Variants in ZNF131 observed in about 807,000 individuals in gnomAD.
The protein encoded by ZNF131 is zinc finger and BTB domain containing 35.
Under a neutral mutation model 60.0 loss-of-function variants are expected in ZNF131, and 7 were observed. The ratio of observed to expected loss-of-function variants is 0.12; its 90% CI spans 0.07 to 0.22. The LOEUF (loss-of-function observed/expected upper bound fraction) is 0.22, where lower values mean the gene tolerates loss of function less well. ZNF131 is among the 10% of genes least tolerant of loss of function. The pLI, the probability that ZNF131 is intolerant of heterozygous loss-of-function variation, is 1.00. For synonymous variants in ZNF131, 257 were observed against 253.2 expected, an observed-to-expected ratio of 1.01 and a Z score of -0.14; for missense variants, 493 against 740.9, an observed-to-expected ratio of 0.67 and a Z score of 3.88.
intron 4 of ZNF131, chr5:43,143,449 T>G: frequency 7.2e-7 from 1 of 1,394,598 alleles, no homozygotes; most frequent in Non-Finnish European, 9.5e-7. Context: ...GTTTATCATC[T>G]TCAACTACAC....
intron 4 of ZNF131, among the ~76,000 whole-genome samples, chr5:43,158,371 C>A (rs1424451466): frequency 6.6e-6 from 1 of 152,206 alleles, no homozygotes; most frequent in Non-Finnish European, 1.5e-5. Context: ...TTCACCACAA[C>A]CTCCACCTCC....
intron 4 of ZNF131, among the ~76,000 whole-genome samples, chr5:43,149,175 G>C (rs10075491): frequency 0.011 from 1,731 of 152,210 alleles, 30 homozygotes; most frequent in African/African-American, 0.04. Context: ...GGAGGCTGAG[G>C]GGGGAGAATC....
At chr5:43,131,889 A>G (rs1246052602) in intron 3 of ZNF131, among the ~76,000 whole-genome samples, 1 of 152,082 alleles carries the variant, frequency 6.6e-6, no homozygotes, top group East Asian at 1.9e-4. Context: ...GTATCTTCAA[A>G]CTTTTCCAAG....
intron 4 of ZNF131, among the ~76,000 whole-genome samples, chr5:43,153,836 A>G (rs1385636510): frequency 6.6e-6 from 1 of 152,162 alleles, no homozygotes; most frequent in African/African-American, 2.4e-5. Flanking sequence ...GAGGTGAGGG[A>G]AGTAGAGTCA....
chr5:43,170,635 CTT>C (rs35855782), intron 5 of ZNF131, among the ~76,000 whole-genome samples: 8 of 141,422 alleles, frequency 5.7e-5, no homozygotes, highest in Admixed American at 7.1e-5. Flanking sequence ...TCTTTGTCCC[CTT>C]TTTTTTTTTT....
At chr5:43,154,191 T>G (rs1247726638) in intron 4 of ZNF131, among the ~76,000 whole-genome samples, 1 of 152,028 alleles carries the variant, frequency 6.6e-6, no homozygotes, top group Non-Finnish European at 1.5e-5. Flanking sequence ...GTGGGCAGAT[T>G]GTCTGAGGTC....
chr5:43,163,341 A>G (rs1749982961), intron 5 of ZNF131, among the ~76,000 whole-genome samples: 1 of 152,290 alleles, frequency 6.6e-6, no homozygotes, highest in Admixed American at 6.5e-5. Context: ...AGTAGGCAGT[A>G]TATGTTCATC....
chr5:43,121,371 G>A (rs1402880279), intron 1 of ZNF131: 1 of 153,070 alleles, frequency 6.5e-6, no homozygotes, highest in Admixed American at 6.5e-5. Flanking sequence ...TCTTCTCAGA[G>A]AGCAAGCCCT....
At chr5:43,126,382 G>A (rs1744552463) in intron 3 of ZNF131, among the ~76,000 whole-genome samples, 1 of 152,174 alleles carries the variant, frequency 6.6e-6, no homozygotes, top group Non-Finnish European at 1.5e-5. Context: ...TCGTATTGCT[G>A]TTCAGGTCCC....
chr5:43,147,630 C>A (rs950310790), intron 4 of ZNF131, among the ~76,000 whole-genome samples: 1 of 151,226 alleles, frequency 6.6e-6, no homozygotes, highest in Admixed American at 6.6e-5. Context: ...ACATCTTGGC[C>A]AGGCTGTTTC....
At chr5:43,149,988 G>C (rs1361898449) in intron 4 of ZNF131, among the ~76,000 whole-genome samples, 1 of 152,154 alleles carries the variant, frequency 6.6e-6, no homozygotes, top group Non-Finnish European at 1.5e-5. Context: ...TGAGACTCTT[G>C]AGTCCAGAAA....
intron 4 of ZNF131, among the ~76,000 whole-genome samples, chr5:43,145,127 G>A (rs17302596): frequency 0.097 from 14,758 of 151,806 alleles, 855 homozygotes; most frequent in East Asian, 0.19. Context: ...AAACTACCTC[G>A]AAATTATGCC....
chr5:43,128,979 T>C (rs1306970240), intron 3 of ZNF131, among the ~76,000 whole-genome samples: 1 of 152,138 alleles, frequency 6.6e-6, no homozygotes, highest in East Asian at 1.9e-4. Context: ...TTGCCCAGGT[T>C]GGGGTGCAGT....
intron 4 of ZNF131, among the ~76,000 whole-genome samples, chr5:43,159,072 AAGAGTGACAT>A (rs1179215792): frequency 1.3e-5 from 2 of 152,198 alleles, no homozygotes; most frequent in Non-Finnish European, 2.9e-5. Context: ...CAAGTCCCAC[AAGAGTGACAT>A]AGAGTGGCCC....
chr5:43,139,482 C>T (rs1746535723), intron 4 of ZNF131, among the ~76,000 whole-genome samples, 173 bp downstream of exon 4: 1 of 152,144 alleles, frequency 6.6e-6, no homozygotes, highest in African/African-American at 2.4e-5. Flanking sequence ...TTTCACTTGA[C>T]TTTGATTTTC....
intron 5 of ZNF131, among the ~76,000 whole-genome samples, chr5:43,162,394 C>A (rs1749791957): frequency 6.6e-6 from 1 of 150,714 alleles, no homozygotes; most frequent in Non-Finnish European, 1.5e-5. Context: ...GTGTTCGAGA[C>A]CAGCCTGGCC....
At chr5:43,166,399 C>T (rs1272283728) in intron 5 of ZNF131, among the ~76,000 whole-genome samples, 4 of 151,196 alleles carry the variant, frequency 2.6e-5, no homozygotes, top group Admixed American at 1.3e-4. Flanking sequence ...CTTGCTCTGT[C>T]GCCCAGGCTG....
chr5:43,154,883 C>T (rs756479777), intron 4 of ZNF131, among the ~76,000 whole-genome samples: 1 of 152,162 alleles, frequency 6.6e-6, no homozygotes, highest in Non-Finnish European at 1.5e-5. Context: ...GCCAAGTCTT[C>T]CAAGTAGCAG....
intron 3 of ZNF131, among the ~76,000 whole-genome samples, chr5:43,133,072 A>C (rs1745568358): frequency 6.6e-6 from 1 of 152,174 alleles, no homozygotes; most frequent in Non-Finnish European, 1.5e-5. Context: ...AGACTGAACC[A>C]ATAATATATA....
Sources: allele counts gnomAD v4.1 joint callset (sites outside exome capture counted in the v4.1 genomes callset), GRCh38; gene constraint gnomAD v4.1.1; transcripts MANE v1.5; gene names NCBI Gene and HGNC (gene_info 2026-07-23, HGNC 2026-07-21).